DDX55: variants seen among roughly 807,000 people sequenced by gnomAD.
DDX55 encodes ATP-dependent RNA helicase DDX55.
DDX55 carries 56 observed loss-of-function variants against 69.2 expected under a neutral mutation model. The ratio of observed to expected loss-of-function variants is 0.81; its 90% CI spans 0.65 to 1.01. DDX55 has a LOEUF of 1.01. Among genes scored for constraint, DDX55 ranks in the 50% least tolerant of loss-of-function variants. The pLI is 0.00. For missense variants in DDX55, 720 were observed against 745.1 expected (o/e 0.97, Z 0.39); for synonymous variants, 268 against 273.1 (o/e 0.98, Z 0.18).
chr12:123,620,692 A>C lies in DDX55; in HGVS notation c.*552A>C, dbSNP rs2135757632. ...ACATAAAGATACAGAAGTCTTCTTG[A>C]CTTCTGATTTTCAAAACCATTCCTC... On this transcript the variant is annotated 3_prime_UTR_variant, in exon 14 of 14. Coordinates refer to ENST00000238146, the MANE Select transcript of DDX55 (RefSeq NM_020936.3). 1 of 139,778 alleles carries C rather than the reference A, an allele frequency of 7.2e-6. No individual in the cohort carries two copies. Among genetic ancestry groups the C allele is most frequent in the African/African-American group, 2.6e-5 (1 of 37,972 alleles). The allele number at this position is 139,778 out of a possible 1,614,324, so 8.7% of individuals were successfully genotyped here. A position where few individuals can be genotyped will look rare whatever the true frequency, so the allele number is the denominator to read the frequency against.
chr12:123,606,257 C>T (rs1953886046), intron 3 of DDX55, 98 bp downstream of exon 3: 5 of 1,435,176 alleles, frequency 3.5e-6, no homozygotes, highest in Admixed American at 4.3e-5. Context: ...GGCCAGAAGC[C>T]GTGGCTCACG....
In DDX55 at chr12:123,620,607, T is replaced by TAA. The variant is rs1359591143; in HGVS notation, c.*468_*469insAA. ...ATATATATATATATATATATATATA[T>TAA]ATATATATATATATATATATAAGCT... On this transcript the variant is annotated 3_prime_UTR_variant, in exon 14 of 14. Coordinates refer to ENST00000238146, the MANE Select transcript of DDX55 (RefSeq NM_020936.3). 8 of 75,948 alleles carry TAA rather than the reference T, an allele frequency of 1.1e-4. No individual in the cohort carries two copies. The highest frequency in any genetic ancestry group is 3.3e-4 in the African/African-American group (8 of 24,138). The allele number at this position is 75,948 out of a possible 1,614,324, so 4.7% of individuals were successfully genotyped here.
intron 1 of DDX55, 49 bp downstream of exon 1, chr12:123,602,305 C>T (rs1478733571): frequency 6.8e-7 from 1 of 1,471,308 alleles, no homozygotes; most frequent in Admixed American, 2.1e-5. Flanking sequence ...GGGGCAGGCA[C>T]CCGCTGCATC....
Position 123,602,241 on chromosome 12 carries a change from C to T in DDX55, c.93C>T (p.Tyr31=). 6.4e-7 allele frequency: 1 copy of T among 1,566,726 alleles called. No individual in the cohort carries two copies. The highest frequency in any genetic ancestry group is 8.6e-7 in the Non-Finnish European group (1 of 1,158,952). Residue 31 remains tyrosine (Y), a synonymous_variant, in exon 1 of 14, where the codon TAC becomes TAT. Coordinates refer to ENST00000238146, the MANE Select transcript of DDX55 (RefSeq NM_020936.3). The stretch of plus-strand genomic sequence containing the variant: ...CGCTGCGGGAGCTGGGCTTCCCGTA[C>T]ATGACGCCGGTGCAGGTATCGGTTC... ...LGALRELGFP[Y]MTPVQSATIP...
Position 123,617,896 on chromosome 12 carries a change from TAGAATGCCTAGTGAC to T in DDX55, c.1164+25_1164+39del, listed in dbSNP as rs781650029. 3.2e-5 allele frequency: 27 copies of T among 849,294 alleles called. No individual in the cohort carries two copies. In the South Asian group the frequency reaches 4.3e-4, roughly 14 times the overall value. The allele number at this position is 849,294 out of a possible 1,614,324, so 52.6% of individuals were successfully genotyped here. A position where few individuals can be genotyped will look rare whatever the true frequency, so the allele number is the denominator to read the frequency against. The stretch of plus-strand genomic sequence containing the variant: ...AAGTAAGCTGCCGTCCGTTTTCAGA[TAGAATGCCTAGTGAC>T]GGGGTAGCTGGAAAAGTTCTCCAGC... On this transcript the variant is annotated intron_variant, in intron 11 of 13. Transcript: ENST00000238146.
Position 123,615,081 on chromosome 12 carries a change from G to A in DDX55, c.825-104G>A, listed in dbSNP as rs192057769. 6,362 of 1,496,002 alleles carry A rather than the reference G, an allele frequency of 4.3e-3. 20 individuals are homozygous for A. The highest frequency in any genetic ancestry group is 6.6e-3 in the Admixed American group (370 of 55,782). 92.7% of individuals were successfully genotyped at this position (1,496,002 alleles called of 1,614,324 possible). ...CTTGTCATTCCCCTAGGGAGGGCTT[G>A]TAGTTAGGTTGCGTCTGCTGCAGCT... On this transcript the variant is annotated intron_variant, in intron 8 of 13. Coordinates refer to ENST00000238146, the MANE Select transcript of DDX55 (RefSeq NM_020936.3).
chr12:123,616,413 C>T, intron 9 of DDX55, 98 bp from the exon 10 acceptor site: 1 of 1,053,812 alleles, frequency 9.5e-7, no homozygotes, highest in Non-Finnish European at 1.5e-6. Flanking sequence ...TGAGAAGCTC[C>T]AGCACCTGTG....
chr12:123,619,327 A>G, intron 12 of DDX55, 105 bp from the exon 13 acceptor site: 1 of 1,475,910 alleles, frequency 6.8e-7, no homozygotes, highest in East Asian at 2.3e-5. Flanking sequence ...TCTAACTAAA[A>G]TGAATGCATT....
chr12:123,608,787 T>A lies in DDX55; in HGVS notation c.509T>A (p.Leu170Ter). Reference protein sequence around the residue: ...SCVRSLDVLVLDEADRLLDMG... With the variant: ...SCVRSLDVLV ...GTGCGATCCCTGGATGTCCTGGTGT[T>A]GGATGAGGCAGACAGACTTCTGGAC... is the stretch of plus-strand genomic sequence containing the variant. The change falls in exon 6 of 14, where the codon TTG becomes TAG. Residue 170 changes from leucine (L) to a stop codon, truncating the protein, a stop_gained. Transcript: ENST00000238146. LOFTEE classifies it high-confidence loss of function. 6.2e-7 allele frequency: 1 copy of A among 1,614,122 alleles called. No homozygotes were observed. The highest frequency in any genetic ancestry group is 1.3e-5 in the African/African-American group (1 of 75,026).
chr12:123,602,209 C>G lies in DDX55; in HGVS notation c.61C>G (p.Leu21Val). The G allele has an allele frequency of 6.4e-7, 1 of 1,573,502 alleles. No individual in the cohort carries two copies. Among genetic ancestry groups the G allele is most frequent in the Non-Finnish European group, 8.6e-7 (1 of 1,161,662 alleles). Residue 21 changes from leucine (L) to valine (V), a missense_variant, in exon 1 of 14, where the codon CTG (leucine) becomes GTG (valine). Physicochemically the swap from Leu to Val is conservative, Grantham distance 32. Transcript: ENST00000238146. ...GCCTGTGCCGCTGCACCCGCAGGTGCTGGGCGCGCTGCGGGAGCTGGGCTT... is the reference window on the plus strand; with the variant it reads ...GCCTGTGCCGCTGCACCCGCAGGTGGTGGGCGCGCTGCGGGAGCTGGGCTT... Reference protein sequence around the residue: ...SLPVPLHPQVLGALRELGFPY... With the variant: ...SLPVPLHPQVVGALRELGFPY...
intron 13 of DDX55, 75 bp downstream of exon 13, chr12:123,619,799 G>T: frequency 3.3e-6 from 5 of 1,519,914 alleles, no homozygotes; most frequent in Non-Finnish European, 3.5e-6. Flanking sequence ...AATAGGAATT[G>T]TGTGGGGCTG....
In DDX55 at chr12:123,608,790, A is replaced by G; in HGVS notation, c.512A>G (p.Asp171Gly). 6.2e-7 allele frequency: 1 copy of G among 1,614,156 alleles called. No homozygotes were observed. Among genetic ancestry groups the G allele is most frequent in the Non-Finnish European group, 8.5e-7 (1 of 1,180,028 alleles). ...CGATCCCTGGATGTCCTGGTGTTGG[A>G]TGAGGCAGACAGACTTCTGGACATG... ...CVRSLDVLVL[D>G]EADRLLDMGF... The change falls in exon 6 of 14, where the codon GAT becomes GGT. Residue 171 changes from aspartate to glycine, a missense_variant. Coordinates refer to ENST00000238146, the MANE Select transcript of DDX55 (RefSeq NM_020936.3).
Position 123,619,532 on chromosome 12 carries a change from C to A in DDX55, c.1434C>A (p.Asp478Glu), listed in dbSNP as rs1380899547. ...GKQFPDFVPV[D>E]VNTDTIPFKD... ...AGTTTCCAGATTTTGTGCCCGTGGACGTTAATACCGACACGATTCCATTTA... is the reference window on the plus strand; with the variant it reads ...AGTTTCCAGATTTTGTGCCCGTGGAAGTTAATACCGACACGATTCCATTTA... The change falls in exon 13 of 14, where the codon GAC becomes GAA. Residue 478 changes from aspartate (D) to glutamate (E), a missense_variant. Transcript: ENST00000238146. 2 of 1,613,566 alleles carry A rather than the reference C, an allele frequency of 1.2e-6. No individual in the cohort carries two copies. The highest frequency in any genetic ancestry group is 1.7e-6 in the Non-Finnish European group (2 of 1,179,954).
intron 3 of DDX55, among the ~76,000 whole-genome samples, chr12:123,606,583 CT>C (rs11445443): frequency 4.3e-4 from 60 of 138,500 alleles, no homozygotes; most frequent in Admixed American, 7.5e-4. Context: ...TGTTTTTTAC[CT>C]TTTTTTTTTT....
chr12:123,607,258 C>T (rs565221873), intron 3 of DDX55, among the ~76,000 whole-genome samples, 174 bp from the exon 4 acceptor site: 52 of 152,278 alleles, frequency 3.4e-4, no homozygotes, highest in African/African-American at 1.1e-3. Context: ...TATATGATGA[C>T]GAGTAACCGT....
chr12:123,607,676 T>A lies in DDX55; in HGVS notation c.401+14T>A, dbSNP rs1215681455. On this transcript the variant is annotated intron_variant, in intron 5 of 13. Transcript: ENST00000238146. ...TAAGCAACAAGGGTGAGTTTGCTCG[T>A]GTCTGCTTGTTTCTTTGCTTGCTTT... The A allele has an allele frequency of 6.2e-7, 1 of 1,614,014 alleles. No individual in the cohort carries two copies. Among genetic ancestry groups the A allele is most frequent in the Non-Finnish European group, 8.5e-7 (1 of 1,180,038 alleles).
intron 7 of DDX55, among the ~76,000 whole-genome samples, chr12:123,611,818 A>G (rs1954265147): frequency 6.6e-6 from 1 of 152,182 alleles, no homozygotes; most frequent in Non-Finnish European, 1.5e-5. Flanking sequence ...TCCCAAGCAG[A>G]GGGAAGGACT....
intron 7 of DDX55, 123 bp downstream of exon 7, chr12:123,610,251 C>T: frequency 1.6e-6 from 2 of 1,276,300 alleles, no homozygotes; most frequent in Non-Finnish European, 1.1e-6. Context: ...GGGGACAGAG[C>T]TAGCTAGGGC....
In DDX55 at chr12:123,617,960, G is replaced by A. The variant is rs533702263; in HGVS notation, c.1164+88G>A. 4.4e-5 allele frequency: 58 copies of A among 1,326,476 alleles called. No individual in the cohort carries two copies. In the East Asian group the frequency reaches 1.2e-3, roughly 27 times the overall value. 82.2% of individuals were successfully genotyped at this position (1,326,476 alleles called of 1,614,324 possible). A position where few individuals can be genotyped will look rare whatever the true frequency, so the allele number is the denominator to read the frequency against. ...GCATGTGGTCAGCAATTGAAATTAC[G>A]AATTGCAAACTCACTGGGGCTGGGC... On this transcript the variant is annotated intron_variant, in intron 11 of 13. Coordinates refer to ENST00000238146, the MANE Select transcript of DDX55 (RefSeq NM_020936.3).
Sources: allele counts gnomAD v4.1 joint callset (sites outside exome capture counted in the v4.1 genomes callset), GRCh38; gene constraint gnomAD v4.1.1; transcripts MANE v1.5; gene names NCBI Gene and HGNC (gene_info 2026-07-23, HGNC 2026-07-21).